DET1: variants seen among roughly 807,000 people sequenced by gnomAD.
DET1 encodes the protein DET1 partner of COP1 E3 ubiquitin ligase.
In DET1, 22 loss-of-function variants were observed where a neutral mutation model predicts 43.7. That is an observed-to-expected ratio of 0.50 (90% CI 0.36 to 0.72). DET1 has a LOEUF of 0.72. Ranked by LOEUF, DET1 falls within the 30% of genes least tolerant of loss-of-function variation. DET1 has a pLI of 0.00. For missense variants in DET1, 713 were observed against 713.3 expected (o/e 1.00, Z 0.00); for synonymous variants, 315 against 266.2 (o/e 1.18, Z -1.79).
intron 1 of DET1, chr15:88,536,344 C>T (rs1415954682): frequency 3.8e-6 from 3 of 779,522 alleles, no homozygotes; most frequent in South Asian, 2.7e-5. Context: ...TACCAGAGAG[C>T]AGGGAACTGG....
At chr15:88,509,694 C>A (rs2056177263), downstream of DET1, among the ~76,000 whole-genome samples, 1 of 152,216 alleles carries the variant, frequency 6.6e-6, no homozygotes, top group African/African-American at 2.4e-5. Context: ...TAGTGGTCCA[C>A]CAAAACTCAT....
intron 1 of DET1, among the ~76,000 whole-genome samples, chr15:88,538,614 C>T (rs947491418): frequency 2.6e-5 from 4 of 152,238 alleles, no homozygotes; most frequent in Non-Finnish European, 4.4e-5. Context: ...CAAAGTGTGG[C>T]GTTTTCTCTA....
At chr15:88,530,502 G>T (rs572022051) in intron 2 of DET1, 121 bp downstream of exon 2, 2 of 1,463,774 alleles carry the variant, frequency 1.4e-6, no homozygotes, top group African/African-American at 2.8e-5. Flanking sequence ...TTGGGCCCTA[G>T]GATATCAATT....
chr15:88,534,051 A>C (rs1010344215), intron 1 of DET1, among the ~76,000 whole-genome samples: 27 of 152,118 alleles, frequency 1.8e-4, no homozygotes, highest in African/African-American at 6.5e-4. Context: ...CACAATGTGA[A>C]TATACTTAAT....
intron 1 of DET1, among the ~76,000 whole-genome samples, chr15:88,533,794 G>T (rs954396808): frequency 7.4e-6 from 1 of 135,980 alleles, no homozygotes; most frequent in South Asian, 2.5e-4. Context: ...GGCTGAGGTG[G>T]ACCACTTGAG....
intron 2 of DET1, among the ~76,000 whole-genome samples, chr15:88,529,358 A>C (rs918708695): frequency 6.6e-6 from 1 of 152,190 alleles, no homozygotes; most frequent in Non-Finnish European, 1.5e-5. Context: ...AGACTGGGAA[A>C]TAAAGAACAG....
chr15:88,531,604 G>T lies in DET1; in HGVS notation c.102C>A (p.Thr34=), dbSNP rs573075746. The part of the protein sequence containing the change: ...RRRISSGKAG[T]HWHQVRVFHQ... ...GGAACACTCGGACTTGGTGCCAGTGGGTACCTGCCTTGCCTGAACTGATCC... is the reference window on the plus strand; with the variant it reads ...GGAACACTCGGACTTGGTGCCAGTGTGTACCTGCCTTGCCTGAACTGATCC... The change falls in exon 2 of 5, where the codon ACC becomes ACA. Residue 34 remains threonine, a synonymous_variant. Coordinates refer to ENST00000268148, the MANE Select transcript of DET1 (RefSeq NM_001144074.3). This position sits in a 1 kb window ranked among gnomAD's most constrained non-coding sequence, Gnocchi z 6.2. The T allele has an allele frequency of 2.4e-5, 39 of 1,614,006 alleles. No individual in the cohort carries two copies. The South Asian group carries it at 3.1e-4, about 13-fold the overall frequency.
At chr15:88,534,614 G>A (rs1005461178) in intron 1 of DET1, among the ~76,000 whole-genome samples, 7 of 152,294 alleles carry the variant, frequency 4.6e-5, no homozygotes, top group South Asian at 2.1e-4. Context: ...AGCTGCACAC[G>A]TGTGGATCTG....
At chr15:88,512,159 T>C (rs1276734528), downstream of DET1, among the ~76,000 whole-genome samples, 1 of 152,194 alleles carries the variant, frequency 6.6e-6, no homozygotes, top group African/African-American at 2.4e-5. Flanking sequence ...CTACACAGTA[T>C]TTGTTTCTGC....
At chr15:88,537,195 T>C (rs946409512) in intron 1 of DET1, among the ~76,000 whole-genome samples, 3 of 152,180 alleles carry the variant, frequency 2.0e-5, no homozygotes, top group African/African-American at 7.2e-5. Flanking sequence ...ATAGAAAGTA[T>C]CAAGCTATCA....
intron 3 of DET1, among the ~76,000 whole-genome samples, chr15:88,523,249 T>C (rs1458816760): frequency 6.6e-6 from 1 of 152,222 alleles, no homozygotes; most frequent in Admixed American, 6.5e-5. Context: ...TTTCCTGAAA[T>C]GACTCATGAT....
downstream of DET1, chr15:88,511,724 G>T: frequency 2.1e-6 from 1 of 478,752 alleles, no homozygotes; most frequent in Non-Finnish European, 2.7e-6. Context: ...TGCTGAAGGA[G>T]ACTGAATTTA....
At chr15:88,511,488 A>C, downstream of DET1, 1 of 984,660 alleles carries the variant, frequency 1.0e-6, no homozygotes, top group Non-Finnish European at 1.2e-6. Context: ...AACATCTTCA[A>C]CTCTTGGTCA....
intron 3 of DET1, among the ~76,000 whole-genome samples, chr15:88,524,812 G>C (rs566843879): frequency 6.6e-6 from 1 of 152,098 alleles, no homozygotes; most frequent in Non-Finnish European, 1.5e-5. Flanking sequence ...CAAACACTGC[G>C]GAAGGCCACA....
chr15:88,544,479 G>A (rs1236282853), intron 1 of DET1, among the ~76,000 whole-genome samples: 1 of 152,112 alleles, frequency 6.6e-6, no homozygotes, highest in Non-Finnish European at 1.5e-5. Flanking sequence ...CTCCCCAACA[G>A]GTACAAGATA....
chr15:88,510,768 T>G (rs1177617912), downstream of DET1, among the ~76,000 whole-genome samples: 2 of 147,270 alleles, frequency 1.4e-5, no homozygotes, highest in East Asian at 2.7e-4. Context: ...TGTTTTTTTT[T>G]TTGTTTTTTT....
chr15:88,545,433 C>A (rs1352940191), intron 1 of DET1, among the ~76,000 whole-genome samples: 2 of 152,076 alleles, frequency 1.3e-5, no homozygotes, highest in Non-Finnish European at 2.9e-5. Flanking sequence ...AAGATACCCT[C>A]CAAAAAGTTC....
chr15:88,507,991 G>A (rs531656134), downstream of DET1, among the ~76,000 whole-genome samples: 3 of 152,266 alleles, frequency 2.0e-5, no homozygotes, highest in East Asian at 5.8e-4. Context: ...ATTAGCGGCG[G>A]CATTAGATTC....
intron 7 of DET1, among the ~76,000 whole-genome samples, chr15:88,507,141 C>T (rs2056150046): frequency 6.6e-6 from 1 of 152,180 alleles, no homozygotes; most frequent in Non-Finnish European, 1.5e-5. Context: ...TGCCCCAGTG[C>T]CTTGGATCCT....
Sources: allele counts gnomAD v4.1 joint callset (sites outside exome capture counted in the v4.1 genomes callset), GRCh38; gene constraint gnomAD v4.1.1; non-coding constraint Gnocchi (gnomAD v3.1); transcripts MANE v1.5; gene names NCBI Gene and HGNC (gene_info 2026-07-23, HGNC 2026-07-21).